ZNF888: variants seen among roughly 807,000 people sequenced by gnomAD.
ZNF888 encodes the protein CTD-2331H12.6.
In ZNF888, 5 loss-of-function variants were observed where a neutral mutation model predicts 7.2. That is an observed-to-expected ratio of 0.70 (90% CI 0.36 to 1.46). ZNF888 has a LOEUF of 1.46. Ranked by LOEUF, ZNF888 falls within the 40% of genes most tolerant of loss-of-function variation. The pLI is 0.03. For missense variants in ZNF888, 716 were observed against 858.0 expected, an observed-to-expected ratio of 0.83 and a Z score of 2.07; for synonymous variants, 240 against 284.3, an observed-to-expected ratio of 0.84 and a Z score of 1.57.
rs960695960 is a variant in ZNF888, at chr19:52,905,238, A to T, written c.*927T>A. The T allele has an allele frequency of 6.6e-6, 1 of 152,448 alleles. No homozygotes were observed. Among genetic ancestry groups the T allele is most frequent in the Non-Finnish European group, 1.5e-5 (1 of 68,376 alleles). The allele number at this position is 152,448 out of a possible 1,614,324, so 9.4% of individuals were successfully genotyped here. A position where few individuals can be genotyped will look rare whatever the true frequency, so the allele number is the denominator to read the frequency against. ...GCTGGTCCCTGCCTTAACTGATGAC[A>T]TTACCTTGTGAAATTCCTTCTCCTG... is the stretch of plus-strand genomic sequence containing the variant. On this transcript the variant is annotated 3_prime_UTR_variant, in exon 5 of 5. Transcript: ENST00000638862.
In ZNF888 at chr19:52,906,883, T is replaced by G. The variant is rs2064615731; in HGVS notation, c.1439A>C (p.His480Pro). 3 of 1,612,508 alleles carry G rather than the reference T, an allele frequency of 1.9e-6. No homozygotes were observed. The highest frequency in any genetic ancestry group is 2.5e-6 in the Non-Finnish European group (3 of 1,179,718). The change falls in exon 5 of 5, where the codon CAC becomes CCC. Residue 480 changes from histidine to proline, a missense_variant. Physicochemically the swap from His to Pro is moderately conservative, Grantham distance 77. Coordinates refer to ENST00000638862, the MANE Select transcript of ZNF888 (RefSeq NM_001393938.1). ...ECDKVFSRKS[H>P]LERHRRIHTG... The stretch of plus-strand genomic sequence containing the variant: ...GTGAATTCTCCTATGTCTTTCAAGG[T>G]GTGATTTGCGACTGAAAACTTTGTC...
intron 1 of ZNF888, chr19:52,921,620 A>C: frequency 3.1e-6 from 3 of 975,528 alleles, no homozygotes; most frequent in Non-Finnish European, 3.7e-6. Flanking sequence ...TTTTCCTTAC[A>C]AGAAAATTAC....
chr19:52,921,499 G>C (rs2064822356), intron 1 of ZNF888, among the ~76,000 whole-genome samples: 2 of 152,186 alleles, frequency 1.3e-5, no homozygotes, highest in African/African-American at 4.8e-5. Flanking sequence ...TAATGGGAAG[G>C]GTTGGTCTTT....
chr19:52,912,306 G>A (rs1010082998), intron 4 of ZNF888, among the ~76,000 whole-genome samples: 1 of 147,552 alleles, frequency 6.8e-6, no homozygotes. Flanking sequence ...GTAGAGATGG[G>A]GTTTCACCAT....
chr19:52,904,693 G>A lies in ZNF888; in HGVS notation c.*1472C>T, dbSNP rs1342345392. The A allele has an allele frequency of 6.6e-6, 1 of 152,198 alleles. No homozygotes were observed. The highest frequency in any genetic ancestry group is 2.4e-5 in the African/African-American group (1 of 41,460). 9.4% of individuals were successfully genotyped at this position (152,198 alleles called of 1,614,324 possible). On this transcript the variant is annotated 3_prime_UTR_variant, in exon 5 of 5. Transcript: ENST00000638862. Reference sequence around the variant, plus strand: ...AACATCAGTTTCTAAGTTATGAGTTGATTTTTAACTACTGGGTTTAGGCCA... The same window carrying A: ...AACATCAGTTTCTAAGTTATGAGTTAATTTTTAACTACTGGGTTTAGGCCA...
intron 1 of ZNF888, among the ~76,000 whole-genome samples, chr19:52,922,853 G>A (rs1013833407): frequency 3.9e-5 from 6 of 152,278 alleles, no homozygotes; most frequent in South Asian, 2.1e-4. Context: ...CGGGCTCAGG[G>A]AAAGCGGTGA....
At chr19:52,921,934 A>G (rs2064826280) in intron 1 of ZNF888, among the ~76,000 whole-genome samples, 1 of 152,192 alleles carries the variant, frequency 6.6e-6, no homozygotes, top group Non-Finnish European at 1.5e-5. Context: ...CATCTCATAA[A>G]AGAAAAGAAA....
chr19:52,921,740 C>T lies in ZNF888; in HGVS notation c.-178+1629G>A, dbSNP rs115704814. ...TTCAGCAATTGTAGACCAGCCTGAC[C>T]TACATGGAGGAACCCCGTTTCTACT... On this transcript the variant is annotated intron_variant, in intron 1 of 4. Coordinates refer to ENST00000638862, the MANE Select transcript of ZNF888 (RefSeq NM_001393938.1). 2.3e-3 allele frequency: 1,556 copies of T among 670,778 alleles called. 19 individuals carry two copies. In the African/African-American group the frequency reaches 0.028, roughly 12 times the overall value. 41.6% of individuals were successfully genotyped at this position (670,778 alleles called of 1,614,324 possible).
In ZNF888 at chr19:52,907,746, C is replaced by T. The variant is rs1600675887; in HGVS notation, c.576G>A (p.Gly192=). The T allele has an allele frequency of 2.7e-5, 43 of 1,613,852 alleles. No individual in the cohort carries two copies. In the East Asian group the frequency reaches 8.7e-4, roughly 33 times the overall value. Residue 192 remains glycine (G), a synonymous_variant, in exon 5 of 5, where the codon GGG becomes GGA. Coordinates refer to ENST00000638862, the MANE Select transcript of ZNF888 (RefSeq NM_001393938.1). ...GTAATGAAGAATGGAAGAAATTATT[C>T]CCATAGTTATTAGAAATATGGGTTT... ...RPKTHISNNY[G]NNFFHSSLLT... is the part of the protein sequence containing the mutation.
Position 52,907,142 on chromosome 19 carries a change from C to A in ZNF888, c.1180G>T (p.Asp394Tyr). The change falls in exon 5 of 5, where the codon GAT (aspartate) becomes TAT (tyrosine). Residue 394 changes from aspartate to tyrosine, a missense_variant. Coordinates refer to ENST00000638862, the MANE Select transcript of ZNF888 (RefSeq NM_001393938.1). ...CKVCDKAFRH[D>Y]SHLAQHIVIH... ...ACAATATGCTGTGCCAGGTGTGAATCATGTCTGAAAGCCTTGTCACAAACC... is the reference window on the plus strand; with the variant it reads ...ACAATATGCTGTGCCAGGTGTGAATAATGTCTGAAAGCCTTGTCACAAACC... The A allele has an allele frequency of 6.2e-7, 1 of 1,609,726 alleles. No homozygotes were observed. The highest frequency in any genetic ancestry group is 8.5e-7 in the Non-Finnish European group (1 of 1,178,936).
chr19:52,913,788 T>C, intron 4 of ZNF888: 1 of 956,656 alleles, frequency 1.0e-6, no homozygotes, highest in Non-Finnish European at 1.2e-6. Flanking sequence ...GAATCATGCT[T>C]AAACCACTTA....
intron 4 of ZNF888, among the ~76,000 whole-genome samples, chr19:52,909,505 C>G (rs922609400): frequency 6.6e-6 from 1 of 152,062 alleles, no homozygotes; most frequent in African/African-American, 2.4e-5. Context: ...GTCTCAGCCT[C>G]CTAAATCCTG....
At chr19:52,921,350 C>G (rs1382511995) in intron 1 of ZNF888, among the ~76,000 whole-genome samples, 2 of 152,174 alleles carry the variant, frequency 1.3e-5, no homozygotes, top group Non-Finnish European at 2.9e-5. Flanking sequence ...GGAGGGTTCC[C>G]TGCCAGGGAA....
chr19:52,910,734 C>T (rs2064668281), intron 4 of ZNF888, among the ~76,000 whole-genome samples: 1 of 152,108 alleles, frequency 6.6e-6, no homozygotes, highest in South Asian at 2.1e-4. Flanking sequence ...TGGCACCTTG[C>T]TCTTGGATTT....
rs2064632871 is a variant in ZNF888, at chr19:52,908,054, C to T, written c.268G>A (p.Glu90Lys). 1 of 1,614,162 alleles carries T rather than the reference C, an allele frequency of 6.2e-7. No individual in the cohort carries two copies. The change falls in exon 5 of 5, where the codon GAG (glutamate) becomes AAG (lysine). Residue 90 changes from glutamate (E) to lysine (K), a missense_variant. Physicochemically the swap from Glu to Lys is moderately conservative, Grantham distance 56 (BLOSUM62 1). Around this residue, in one of 2 missense-constraint regions of ZNF888, gnomAD observed 697 missense variants for 803.4 expected, o/e 0.87. Coordinates refer to ENST00000638862, the MANE Select transcript of ZNF888 (RefSeq NM_001393938.1). The part of the protein sequence containing the change: ...HIGECCFQEI[E>K]KDIHDFVFQW... ...AACACAAAGTCATGAATGTCTTTCTCAATTTCCTGGAAGCAACATTCTCCA... is the reference window on the plus strand; with the variant it reads ...AACACAAAGTCATGAATGTCTTTCTTAATTTCCTGGAAGCAACATTCTCCA...
chr19:52,923,219 A>G, intron 1 of ZNF888, 150 bp downstream of exon 1: 1 of 893,158 alleles, frequency 1.1e-6, no homozygotes, highest in Non-Finnish European at 1.3e-6. Context: ...AAAGGAAGTG[A>G]CTTCCGGACT....
intron 3 of ZNF888, among the ~76,000 whole-genome samples, chr19:52,915,738 G>A (rs534352479): frequency 1.3e-5 from 2 of 152,136 alleles, no homozygotes; most frequent in African/African-American, 4.8e-5. Flanking sequence ...GCCTCCCAAA[G>A]TTCTGGGATT....
At chr19:52,910,844 C>T (rs2064669519) in intron 4 of ZNF888, among the ~76,000 whole-genome samples, 1 of 152,162 alleles carries the variant, frequency 6.6e-6, no homozygotes, top group Admixed American at 6.6e-5. Flanking sequence ...TGCTCTATCA[C>T]CCAGGCTCAA....
At chr19:52,910,247 G>C (rs951065994) in intron 4 of ZNF888, among the ~76,000 whole-genome samples, 2 of 151,058 alleles carry the variant, frequency 1.3e-5, no homozygotes, top group Non-Finnish European at 2.9e-5. Context: ...TGAGGCAGGT[G>C]GATCATGAGG....
Sources: allele counts gnomAD v4.1 joint callset (sites outside exome capture counted in the v4.1 genomes callset), GRCh38; gene constraint gnomAD v4.1.1; regional missense constraint gnomAD v4.1.1; transcripts MANE v1.5; gene names NCBI Gene and HGNC (gene_info 2026-07-23, HGNC 2026-07-21).